PRKAG2: variants seen among roughly 807,000 people sequenced by gnomAD.
The protein encoded by PRKAG2 is 5'-AMP-activated protein kinase subunit gamma-2.
A neutral mutation model predicts 69.6 loss-of-function variants in PRKAG2; 26 were observed. The ratio of observed to expected loss-of-function variants is 0.37; its 90% CI spans 0.27 to 0.52. PRKAG2 has a LOEUF of 0.52. Ranked by LOEUF, PRKAG2 falls within the 20% of genes least tolerant of loss-of-function variation. The pLI, the probability that PRKAG2 is intolerant of heterozygous loss-of-function variation, is 0.90. For missense variants in PRKAG2, 557 were observed against 740.0 expected (o/e 0.75, Z 2.87); for synonymous variants, 293 against 285.0 (o/e 1.03, Z -0.28).
chr7:151,726,711 C>T (rs758030582), intron 3 of PRKAG2, among the ~76,000 whole-genome samples: 6 of 152,110 alleles, frequency 3.9e-5, no homozygotes, highest in East Asian at 1.9e-4. Flanking sequence ...AAAAAAAAAT[C>T]GTGTAAATTC....
chr7:151,679,500 ACTTCCCGGGGGCTGTGCCCCTG>A (rs1013699823), intron 3 of PRKAG2, among the ~76,000 whole-genome samples: 4 of 152,056 alleles, frequency 2.6e-5, no homozygotes, highest in African/African-American at 7.2e-5. Context: ...CTTCAGTGGC[ACTTCCCGGGGGCTGTGCCCCTG>A]CTTCCTGTAG....
chr7:151,651,042 T>C (rs894424478), intron 4 of PRKAG2, among the ~76,000 whole-genome samples: 1 of 152,220 alleles, frequency 6.6e-6, no homozygotes, highest in Non-Finnish European at 1.5e-5. Context: ...GGAAAACAAC[T>C]GACATATTTG....
chr7:151,676,618 G>A (rs955911588), intron 3 of PRKAG2, among the ~76,000 whole-genome samples: 1 of 152,152 alleles, frequency 6.6e-6, no homozygotes, highest in African/African-American at 2.4e-5. Flanking sequence ...AGTGGCGAGT[G>A]TACACCTAAT....
chr7:151,812,509 C>T (rs934483232), intron 1 of PRKAG2, among the ~76,000 whole-genome samples: 1 of 152,202 alleles, frequency 6.6e-6, no homozygotes, highest in African/African-American at 2.4e-5. Context: ...CCCTGGTTAT[C>T]CAACACTATG....
At position 151,777,884 on chromosome 7, in the gene PRKAG2, G is replaced by A. The variant is rs924337574; in HGVS notation, c.466+3268C>T. On this transcript the variant is annotated intron_variant, in intron 3 of 15. Transcript: ENST00000287878. This position sits in a 1 kb window ranked among gnomAD's most constrained non-coding sequence, Gnocchi z 4.3. ...GGATTATGGGAGGGGCCTGAACCGG[G>A]CTAACATGCAGGTGTAGTTTCTATG... Among the ~76,000 whole-genome samples, 1 of 152,170 alleles carries A rather than the reference G, an allele frequency of 6.6e-6. No homozygotes were observed. Among genetic ancestry groups the A allele is most frequent in the African/African-American group, 2.4e-5 (1 of 41,430 alleles).
intron 11 of PRKAG2, among the ~76,000 whole-genome samples, 177 bp downstream of exon 11, chr7:151,568,539 A>G (rs1165763007): frequency 1.3e-5 from 2 of 152,214 alleles, no homozygotes; most frequent in African/African-American, 2.4e-5. Flanking sequence ...TTAAATTGGA[A>G]TCAACTTTAA....
At chr7:151,618,095 G>A (rs1456039541) in intron 5 of PRKAG2, among the ~76,000 whole-genome samples, 1 of 152,164 alleles carries the variant, frequency 6.6e-6, no homozygotes, top group African/African-American at 2.4e-5. Flanking sequence ...GCAAAGATGG[G>A]AGAATCGCTT....
chr7:151,844,376 G>A (rs746905673), intron 1 of PRKAG2, among the ~76,000 whole-genome samples: 9 of 152,108 alleles, frequency 5.9e-5, no homozygotes, highest in Admixed American at 2.0e-4. Context: ...AAGTCAGAGC[G>A]GCTTCCTCAA....
intron 6 of PRKAG2, among the ~76,000 whole-genome samples, chr7:151,582,561 A>G (rs1180747055): frequency 3.3e-5 from 5 of 152,216 alleles, no homozygotes; most frequent in African/African-American, 1.2e-4. Context: ...AACAGAAGAT[A>G]AAACAACCAA....
chr7:151,678,742 T>G (rs957952706), intron 3 of PRKAG2, among the ~76,000 whole-genome samples: 9 of 152,168 alleles, frequency 5.9e-5, no homozygotes, highest in African/African-American at 1.9e-4. Context: ...GTGGACCACC[T>G]GAGGTTAGGA....
intron 4 of PRKAG2, among the ~76,000 whole-genome samples, chr7:151,651,844 T>G (rs1426722647): frequency 1.3e-5 from 2 of 151,774 alleles, no homozygotes; most frequent in Admixed American, 1.3e-4. Context: ...TTGTAGATTA[T>G]AAACAGTGAA....
intron 3 of PRKAG2, among the ~76,000 whole-genome samples, chr7:151,689,468 ATGGGGTGTGGGCCACG>A (rs1484673907): frequency 2.6e-5 from 4 of 152,192 alleles, no homozygotes; most frequent in South Asian, 2.1e-4. Context: ...ACCTGGCACG[ATGGGGTGTGGGCCACG>A]TGGGGTATGG....
chr7:151,870,150 TAGATAGGCAGGCAGGCAGGCAGGC>T (rs1563769168), intron 1 of PRKAG2, among the ~76,000 whole-genome samples: 1 of 128,058 alleles, frequency 7.8e-6, no homozygotes, highest in African/African-American at 2.8e-5. Context: ...GATAGATAGA[TAGATAGGCAGGCAGGCAGGCAGGC>T]AGGCAGGCAG....
chr7:151,670,255 A>C (rs1477008891), intron 4 of PRKAG2, among the ~76,000 whole-genome samples: 1 of 152,088 alleles, frequency 6.6e-6, no homozygotes, highest in African/African-American at 2.4e-5. Flanking sequence ...TCATCCATCC[A>C]CTTTTCCATG....
intron 5 of PRKAG2, among the ~76,000 whole-genome samples, chr7:151,608,542 T>C (rs1818042847): frequency 6.6e-6 from 1 of 152,128 alleles, no homozygotes; most frequent in Non-Finnish European, 1.5e-5. Context: ...GAAGGTTCAT[T>C]GTAGATATCA....
At chr7:151,597,918 A>G (rs1563219475) in intron 5 of PRKAG2, among the ~76,000 whole-genome samples, 1 of 150,656 alleles carries the variant, frequency 6.6e-6, no homozygotes, top group Non-Finnish European at 1.5e-5. Flanking sequence ...CAAAAAATTA[A>G]AAATAGAATT....
intron 4 of PRKAG2, among the ~76,000 whole-genome samples, chr7:151,671,020 A>G (rs537011774): frequency 5.9e-5 from 9 of 152,092 alleles, no homozygotes; most frequent in African/African-American, 2.2e-4. Flanking sequence ...CTAAAAATAT[A>G]AAAATTAGCT....
In PRKAG2 at chr7:151,786,229, C is replaced by T. The variant is rs151014818; in HGVS notation, c.186+241G>A. ...GTCTAGTGGGCCACAGTCAGTGCCA[C>T]GTGAGGAGAAGAAAAAGGGGTGAAG... On this transcript the variant is annotated intron_variant, in intron 2 of 15. Transcript: ENST00000287878. Among the ~76,000 whole-genome samples, 684 of 152,292 alleles carry T rather than the reference C, an allele frequency of 4.5e-3. 5 individuals are homozygous for T. Among genetic ancestry groups the T allele is most frequent in the African/African-American group, 0.015 (608 of 41,572 alleles).
chr7:151,719,189 C>G lies in PRKAG2; in HGVS notation c.467-43552G>C, dbSNP rs1796648184. Among the ~76,000 whole-genome samples the G allele has an allele frequency of 6.6e-6, 1 of 152,144 alleles. No individual in the cohort carries two copies. Among genetic ancestry groups the G allele is most frequent in the Non-Finnish European group, 1.5e-5 (1 of 68,024 alleles). On this transcript the variant is annotated intron_variant, in intron 3 of 15. Coordinates refer to ENST00000287878, the MANE Select transcript of PRKAG2 (RefSeq NM_016203.4). The surrounding 1 kb of genome is among the most constrained non-coding windows in gnomAD (Gnocchi z 5.2). ...GCGGTGGAAGCAGTGGAAGTGCAGA[C>G]AGAAAGCCCCATGGCAGAAGGGAGA... is the stretch of plus-strand genomic sequence containing the variant.
Sources: gnomAD v4.1 joint callset for allele counts (sites outside exome capture counted in the v4.1 genomes callset) on GRCh38, gnomAD v4.1.1 for gene constraint, Gnocchi (gnomAD v3.1) non-coding constraint, MANE v1.5 for transcripts, NCBI Gene and HGNC (gene_info 2026-07-23, HGNC 2026-07-21) for gene names.